Variants in AATF observed in about 807,000 individuals in gnomAD.
AATF encodes the protein apoptosis antagonizing transcription factor, also known as protein AATF.
AATF carries 48 observed loss-of-function variants against 63.7 expected under a neutral mutation model. That is an observed-to-expected ratio of 0.75 (90% CI 0.60 to 0.96). AATF has a LOEUF of 0.96. Ranked by LOEUF, AATF falls within the 40% of genes least tolerant of loss-of-function variation. The pLI is 0.00. For missense variants in AATF, 639 were observed against 685.7 expected (o/e 0.93, Z 0.76); for synonymous variants, 258 against 247.7 (o/e 1.04, Z -0.39).
intron 11 of AATF, among the ~76,000 whole-genome samples, chr17:37,035,991 A>T (rs1384606728): frequency 6.6e-6 from 1 of 152,040 alleles, no homozygotes; most frequent in African/African-American, 2.4e-5. Flanking sequence ...TGGTGCAATC[A>T]TAGCTCCCTG....
At chr17:37,046,533 C>T (rs1228997481) in intron 11 of AATF, among the ~76,000 whole-genome samples, 2 of 152,210 alleles carry the variant, frequency 1.3e-5, no homozygotes, top group East Asian at 3.9e-4. Context: ...TGGCACTTTG[C>T]ATTTGCTCAC....
intron 11 of AATF, among the ~76,000 whole-genome samples, chr17:37,040,769 T>C (rs1301532064): frequency 6.6e-6 from 1 of 151,216 alleles, no homozygotes; most frequent in Non-Finnish European, 1.5e-5. Context: ...CTTTCTTTTA[T>C]AGGAGAGATG....
intron 4 of AATF, among the ~76,000 whole-genome samples, chr17:36,969,760 T>TA (rs1268396008): frequency 4.6e-5 from 7 of 152,352 alleles, no homozygotes; most frequent in African/African-American, 1.7e-4. Context: ...ATAATGAACA[T>TA]ATTCCTCATC....
intron 10 of AATF, among the ~76,000 whole-genome samples, chr17:37,030,360 C>T (rs919376369): frequency 6.6e-6 from 1 of 152,068 alleles, no homozygotes; most frequent in African/African-American, 2.4e-5. Flanking sequence ...GTTCCTAAAA[C>T]TTTAAAATAT....
intron 4 of AATF, among the ~76,000 whole-genome samples, chr17:36,956,901 C>T (rs1235422759): frequency 2.0e-5 from 3 of 151,838 alleles, no homozygotes; most frequent in Non-Finnish European, 4.4e-5. Context: ...CACTTGAACC[C>T]GGGAGCAAAG....
chr17:36,986,514 C>A, intron 4 of AATF, 103 bp from the exon 5 acceptor site: 1 of 876,306 alleles, frequency 1.1e-6, no homozygotes. Flanking sequence ...CTCCCCTTCA[C>A]TCCCCACAGC....
At chr17:36,982,776 C>T (rs1287245216) in intron 4 of AATF, among the ~76,000 whole-genome samples, 2 of 152,176 alleles carry the variant, frequency 1.3e-5, no homozygotes, top group Non-Finnish European at 1.5e-5. Flanking sequence ...GTTGTGCAAC[C>T]GTCACCACCA....
intron 8 of AATF, among the ~76,000 whole-genome samples, chr17:36,994,023 GTACA>G (rs1468038521): frequency 5.9e-5 from 9 of 152,198 alleles, no homozygotes; most frequent in South Asian, 2.1e-4. Context: ...ATATGTGTGT[GTACA>G]TACATACATA....
At chr17:37,020,133 A>G (rs1012759642) in intron 9 of AATF, among the ~76,000 whole-genome samples, 1 of 152,058 alleles carries the variant, frequency 6.6e-6, no homozygotes, top group African/African-American at 2.4e-5. Flanking sequence ...TTCTTAGCCT[A>G]ATATCCCTTA....
rs533738672 is a variant in AATF at position 37,002,394 on chromosome 17, A to G, written c.1398+11537A>G. On this transcript the variant is annotated intron_variant, in intron 8 of 11. Coordinates refer to ENST00000619387, the MANE Select transcript of AATF (RefSeq NM_012138.4). ...CATTTAAAATAGCATCTGGCTGGGC[A>G]TGGTGCCTCACACCTGTAATCCCAG... Among the ~76,000 whole-genome samples the G allele has an allele frequency of 1.1e-4, 16 of 152,094 alleles. No individual in the cohort carries two copies. The East Asian group carries it at 2.5e-3, about 24-fold the overall frequency.
chr17:36,963,946 A>G (rs900575234), intron 4 of AATF, among the ~76,000 whole-genome samples: 1 of 152,122 alleles, frequency 6.6e-6, no homozygotes, highest in African/African-American at 2.4e-5. Flanking sequence ...GGAGGCCAAG[A>G]TGGGCAGATC....
chr17:36,963,045 G>A (rs1315799009), intron 4 of AATF, among the ~76,000 whole-genome samples: 1 of 152,142 alleles, frequency 6.6e-6, no homozygotes, highest in Non-Finnish European at 1.5e-5. Context: ...CTTGAACCCG[G>A]GAGGTGGAGA....
chr17:37,017,484 A>G (rs1018456752), intron 8 of AATF, among the ~76,000 whole-genome samples: 2 of 152,134 alleles, frequency 1.3e-5, no homozygotes, highest in Non-Finnish European at 2.9e-5. Flanking sequence ...ATGTCTGTGT[A>G]ACACTGGATT....
At chr17:36,951,799 G>A (rs2070857366) in intron 2 of AATF, among the ~76,000 whole-genome samples, 1 of 152,052 alleles carries the variant, frequency 6.6e-6, no homozygotes, top group South Asian at 2.1e-4. Flanking sequence ...TTATATTTTT[G>A]GCAGCTTTGT....
At position 36,949,104 on chromosome 17, in the gene AATF, A is replaced by C; in HGVS notation, c.-22A>C. On this transcript the variant is annotated 5_prime_UTR_variant, in exon 1 of 12. Transcript: ENST00000619387. ...CCGCACATTTACGTGCGCGAAGCGG[A>C]GTGGACCGGGAGCTGGTGACGATGG... is the stretch of plus-strand genomic sequence containing the variant. 6.4e-7 allele frequency: 1 copy of C among 1,556,862 alleles called. No homozygotes were observed. Among genetic ancestry groups the C allele is most frequent in the Non-Finnish European group, 8.7e-7 (1 of 1,148,254 alleles).
intron 7 of AATF, among the ~76,000 whole-genome samples, chr17:36,990,136 G>A (rs1222577816): frequency 6.6e-6 from 1 of 151,736 alleles, no homozygotes; most frequent in African/African-American, 2.4e-5. Context: ...CTAAATGAGA[G>A]ACATTTATGT....
chr17:37,016,430 T>C (rs2071429085), intron 8 of AATF, among the ~76,000 whole-genome samples: 1 of 152,236 alleles, frequency 6.6e-6, no homozygotes, highest in Non-Finnish European at 1.5e-5. Context: ...AACCTAACTG[T>C]ATCTATGATT....
chr17:37,038,472 T>A (rs2142309604), intron 11 of AATF, among the ~76,000 whole-genome samples: 1 of 152,210 alleles, frequency 6.6e-6, no homozygotes, highest in East Asian at 1.9e-4. Flanking sequence ...ATGGAAAGGG[T>A]CTGGTGATGG....
At chr17:36,976,658 G>A (rs1328981427) in intron 4 of AATF, among the ~76,000 whole-genome samples, 1 of 152,174 alleles carries the variant, frequency 6.6e-6, no homozygotes, top group Non-Finnish European at 1.5e-5. Flanking sequence ...GTAGTTTACA[G>A]TTTCTGCTCT....
Sources: allele counts gnomAD v4.1 joint callset (sites outside exome capture counted in the v4.1 genomes callset), GRCh38; gene constraint gnomAD v4.1.1; transcripts MANE v1.5; gene names NCBI Gene and HGNC (gene_info 2026-07-23, HGNC 2026-07-21).